NUP205: variants seen among roughly 807,000 people sequenced by gnomAD.
The protein encoded by NUP205 is nucleoporin 205.
NUP205 carries 76 observed loss-of-function variants against 253.8 expected under a neutral mutation model. That is an observed-to-expected ratio of 0.30 (90% confidence interval 0.25 to 0.36). The LOEUF (loss-of-function observed/expected upper bound fraction) is 0.36, where lower values mean the gene tolerates loss of function less well. NUP205 is among the 10% of genes least tolerant of loss of function. The pLI is 1.00. For missense variants in NUP205, 2,162 were observed against 2,425.5 expected (o/e 0.89, Z 2.28); for synonymous variants, 832 against 850.1 (o/e 0.98, Z 0.37).
intron 1 of NUP205, among the ~76,000 whole-genome samples, chr7:135,559,686 CT>C (rs548329072): frequency 7.2e-4 from 100 of 137,954 alleles, no homozygotes; most frequent in Middle Eastern, 4.4e-3. Context: ...ATTTATTTTC[CT>C]TTTTTTTTTT....
At chr7:135,585,323 T>A (rs1806427399) in intron 8 of NUP205, among the ~76,000 whole-genome samples, 1 of 152,202 alleles carries the variant, frequency 6.6e-6, no homozygotes, top group African/African-American at 2.4e-5. Context: ...TTTGCTGTTG[T>A]TCTATGGAAA....
At chr7:135,617,545 T>TA (rs1794387106) in intron 26 of NUP205, 57 bp from the exon 27 acceptor site, 3 of 1,295,990 alleles carry the variant, frequency 2.3e-6, no homozygotes, top group Admixed American at 3.4e-5. Flanking sequence ...TGCTAGGTGT[T>TA]ACTGTTCTAC....
At chr7:135,572,899 A>G (rs1041731610) in intron 2 of NUP205, among the ~76,000 whole-genome samples, 1 of 147,948 alleles carries the variant, frequency 6.8e-6, no homozygotes, top group East Asian at 2.0e-4. Context: ...TCCAAGAACT[A>G]TTTATAGGAT....
chr7:135,634,041 C>T (rs1293571461), intron 35 of NUP205, among the ~76,000 whole-genome samples: 1 of 152,138 alleles, frequency 6.6e-6, no homozygotes, highest in African/African-American at 2.4e-5. Flanking sequence ...TGTTGTACCT[C>T]CACAAATCTT....
chr7:135,634,063 T>C (rs1466566750), intron 35 of NUP205, among the ~76,000 whole-genome samples: 1 of 152,200 alleles, frequency 6.6e-6, no homozygotes, highest in East Asian at 1.9e-4. Context: ...TCAGCAGATT[T>C]ATTTTGTTTC....
intron 15 of NUP205, among the ~76,000 whole-genome samples, chr7:135,598,490 G>A (rs2129490457): frequency 6.6e-6 from 1 of 152,300 alleles, no homozygotes; most frequent in South Asian, 2.1e-4. Context: ...AACAAAAAGT[G>A]TCACATTTGT....
At chr7:135,582,726 T>G (rs1806342438) in intron 7 of NUP205, among the ~76,000 whole-genome samples, 1 of 152,058 alleles carries the variant, frequency 6.6e-6, no homozygotes, top group Non-Finnish European at 1.5e-5. Context: ...TGGCTAAGTG[T>G]TGGGATTACA....
At chr7:135,597,827 A>G in intron 14 of NUP205, 171 bp from the exon 15 acceptor site, 1 of 599,808 alleles carries the variant, frequency 1.7e-6, no homozygotes, top group South Asian at 2.3e-5. Context: ...CATCTGACTC[A>G]TCTGGATTCA....
intron 17 of NUP205, among the ~76,000 whole-genome samples, chr7:135,602,551 T>A (rs1793987874): frequency 6.6e-6 from 1 of 152,224 alleles, no homozygotes; most frequent in South Asian, 2.1e-4. Context: ...GATTTGAGAA[T>A]CCATTCCATG....
chr7:135,560,184 C>A (rs890908537), intron 1 of NUP205, among the ~76,000 whole-genome samples: 1 of 151,358 alleles, frequency 6.6e-6, no homozygotes, highest in Non-Finnish European at 1.5e-5. Context: ...TTAGTAGAGA[C>A]GGGGTTTCAC....
chr7:135,567,106 C>G (rs1805782071), intron 1 of NUP205, among the ~76,000 whole-genome samples: 1 of 112,700 alleles, frequency 8.9e-6, no homozygotes, highest in South Asian at 2.9e-4. Flanking sequence ...GGGATTCTGT[C>G]TGTCTTGCTC....
chr7:135,610,050 G>GCAGGATTTGTTGGGC (rs1357594578), intron 22 of NUP205, among the ~76,000 whole-genome samples: 2 of 152,164 alleles, frequency 1.3e-5, no homozygotes, highest in Admixed American at 1.3e-4. Flanking sequence ...ATGCCAGAGT[G>GCAGGATTTGTTGGGC]CAGGATTTGT....
At chr7:135,635,559 T>TAA (rs930991865) in intron 35 of NUP205, 22 bp from the exon 36 acceptor site, 1 of 1,316,972 alleles carries the variant, frequency 7.6e-7, no homozygotes. Context: ...TAATATGTTT[T>TAA]AAAGCATTCT....
intron 1 of NUP205, among the ~76,000 whole-genome samples, chr7:135,570,773 A>ATATTAATTATATTAATATAT (rs1333947185): frequency 8.0e-5 from 4 of 50,098 alleles, no homozygotes; most frequent in Non-Finnish European, 1.2e-4. Flanking sequence ...TTATATTAAT[A>ATATTAATTATATTAATATAT]TATATTAATT....
At chr7:135,573,614 G>A in intron 2 of NUP205, 40 bp from the exon 3 acceptor site, 1 of 1,526,278 alleles carries the variant, frequency 6.6e-7, no homozygotes, top group South Asian at 1.2e-5. Flanking sequence ...CTTGTCTCCA[G>A]TGTGCTATTT....
At chr7:135,605,452 A>T (rs1419150628) in intron 19 of NUP205, among the ~76,000 whole-genome samples, 1 of 152,232 alleles carries the variant, frequency 6.6e-6, no homozygotes, top group East Asian at 1.9e-4. Flanking sequence ...GCATCCCTAG[A>T]TACCACTATC....
chr7:135,621,464 C>CT (rs1794468644), intron 30 of NUP205, among the ~76,000 whole-genome samples: 1 of 152,106 alleles, frequency 6.6e-6, no homozygotes, highest in Non-Finnish European at 1.5e-5. Context: ...CTACAATAGG[C>CT]TTTTTATAAG....
intron 35 of NUP205, among the ~76,000 whole-genome samples, chr7:135,632,701 T>A (rs1252507331): frequency 6.6e-6 from 1 of 152,060 alleles, no homozygotes; most frequent in Admixed American, 6.5e-5. Context: ...CATTCCAGTG[T>A]CCTAAGATGA....
At chr7:135,590,625 TG>T (rs1297915363) in intron 10 of NUP205, among the ~76,000 whole-genome samples, 1 of 151,858 alleles carries the variant, frequency 6.6e-6, no homozygotes, top group Non-Finnish European at 1.5e-5. Flanking sequence ...CTCTGCCTCC[TG>T]GGTTCAATTG....
Sources: gnomAD v4.1 joint callset for allele counts (sites outside exome capture counted in the v4.1 genomes callset) on GRCh38, gnomAD v4.1.1 for gene constraint, MANE v1.5 for transcripts, NCBI Gene and HGNC (gene_info 2026-07-23, HGNC 2026-07-21) for gene names.